Variants in KCNC2 observed in about 807,000 individuals in gnomAD.
The protein encoded by KCNC2 is voltage-gated potassium channel KCNC2.
In KCNC2, 21 loss-of-function variants were observed where a neutral mutation model predicts 44.5. The ratio of observed to expected loss-of-function variants is 0.47; its 90% CI spans 0.33 to 0.68. The LOEUF is 0.68. KCNC2 is among the 30% of genes least tolerant of loss of function. The probability of loss-of-function intolerance (pLI) is 0.01; values close to 1 mark genes in which losing one functional copy is unlikely to be tolerated. For missense variants in KCNC2, 589 were observed against 826.2 expected, an observed-to-expected ratio of 0.71 and a Z score of 3.52; for synonymous variants, 391 against 339.1, an observed-to-expected ratio of 1.15 and a Z score of -1.68.
At chr12:75,114,055 T>A (rs1887462738) in intron 2 of KCNC2, among the ~76,000 whole-genome samples, 2 of 152,166 alleles carry the variant, frequency 1.3e-5, no homozygotes, top group African/African-American at 4.8e-5. Context: ...TTCAGATAAA[T>A]CAAAAGAAGA....
At chr12:75,173,311 A>G (rs1891957734) in intron 2 of KCNC2, among the ~76,000 whole-genome samples, 1 of 151,930 alleles carries the variant, frequency 6.6e-6, no homozygotes, top group Admixed American at 6.6e-5. Flanking sequence ...ATAGAGATAT[A>G]GAAGAATCAC....
At chr12:75,198,564 T>G (rs150834786) in intron 2 of KCNC2, among the ~76,000 whole-genome samples, 5 of 151,984 alleles carry the variant, frequency 3.3e-5, no homozygotes, top group African/African-American at 1.2e-4. Context: ...TAATAACTAT[T>G]GTTATATTTT....
At chr12:75,162,778 C>A (rs747768558) in intron 2 of KCNC2, among the ~76,000 whole-genome samples, 1 of 151,760 alleles carries the variant, frequency 6.6e-6, no homozygotes, top group Non-Finnish European at 1.5e-5. Flanking sequence ...AGAGAGGTAA[C>A]TTAACCCCTC....
At chr12:75,189,508 C>A (rs150739237) in intron 2 of KCNC2, among the ~76,000 whole-genome samples, 4 of 152,304 alleles carry the variant, frequency 2.6e-5, no homozygotes, top group African/African-American at 7.2e-5. Context: ...AAAAAGCAGT[C>A]AATCCACCAG....
chr12:75,121,992 C>G (rs1441985904), intron 2 of KCNC2, among the ~76,000 whole-genome samples: 2 of 152,152 alleles, frequency 1.3e-5, no homozygotes, highest in Non-Finnish European at 2.9e-5. Flanking sequence ...GGAATCCTCA[C>G]TTGGAGGCCA....
At chr12:75,160,421 T>G (rs1891045940) in intron 2 of KCNC2, among the ~76,000 whole-genome samples, 1 of 151,764 alleles carries the variant, frequency 6.6e-6, no homozygotes, top group Admixed American at 6.6e-5. Context: ...AAAAAAGTAT[T>G]AGGATTTACT....
chr12:75,188,731 G>A lies in KCNC2; in HGVS notation c.687+18566C>T, dbSNP rs1048473056. ...AAAAATTAGCTGGGCATGGTGGTGC[G>A]TGCCTGTAATCCCAGCTACTCGGGA... is the stretch of plus-strand genomic sequence containing the variant. On this transcript the variant is annotated intron_variant, in intron 2 of 4. Coordinates refer to ENST00000549446, the MANE Select transcript of KCNC2 (RefSeq NM_139137.4). Among the ~76,000 whole-genome samples the A allele has an allele frequency of 1.7e-4, 26 of 151,514 alleles. No individual in the cohort carries two copies. In the East Asian group the frequency reaches 1.8e-3, roughly 10 times the overall value.
chr12:75,198,214 T>C (rs181188694), intron 2 of KCNC2, among the ~76,000 whole-genome samples: 19 of 152,050 alleles, frequency 1.2e-4, no homozygotes, highest in Non-Finnish European at 2.1e-4. Context: ...GTCAACATTA[T>C]GTGCCTGGGA....
Position 75,042,510 on chromosome 12 carries a change from G to T in KCNC2, c.*595C>A. On this transcript the variant is annotated 3_prime_UTR_variant, in exon 5 of 5. Transcript: ENST00000549446. ...AGAAAAAAATGTCAAGGAGAAAAGT[G>T]CCCTCCCTGCCCCACAATTCAACAT... 7.0e-7 allele frequency: 1 copy of T among 1,425,630 alleles called. No homozygotes were observed. Among genetic ancestry groups the T allele is most frequent in the Non-Finnish European group, 9.2e-7 (1 of 1,092,730 alleles). 88.3% of individuals were successfully genotyped at this position (1,425,630 alleles called of 1,614,324 possible). A position where few individuals can be genotyped will look rare whatever the true frequency, so the allele number is the denominator to read the frequency against.
intron 2 of KCNC2, among the ~76,000 whole-genome samples, chr12:75,057,164 A>G (rs1881835417): frequency 1.3e-5 from 2 of 152,048 alleles, no homozygotes; most frequent in African/African-American, 2.4e-5. Flanking sequence ...AGTTGATTTT[A>G]TTAACCCATA....
rs201548183 is a variant in KCNC2, at chr12:75,040,289, T to C, written c.*2816A>G. On this transcript the variant is annotated 3_prime_UTR_variant, in exon 5 of 5. Transcript: ENST00000549446. Reference sequence around the variant, plus strand: ...GGGGAACTAATAGACTCTGAAAATATTGATTAAGCAAGATGTAAAAATCTT... The same window carrying C: ...GGGGAACTAATAGACTCTGAAAATACTGATTAAGCAAGATGTAAAAATCTT... 6 of 152,022 alleles carry C rather than the reference T, an allele frequency of 3.9e-5. No homozygotes were observed. Among genetic ancestry groups the C allele is most frequent in the African/African-American group, 7.2e-5 (3 of 41,412 alleles). The allele number at this position is 152,022 out of a possible 1,614,324, so 9.4% of individuals were successfully genotyped here.
At chr12:75,062,442 T>C (rs1882440530) in intron 2 of KCNC2, among the ~76,000 whole-genome samples, 1 of 152,140 alleles carries the variant, frequency 6.6e-6, no homozygotes, top group South Asian at 2.1e-4. Context: ...TATAGTGTTT[T>C]TTTCAGGATC....
chr12:75,126,695 G>A (rs1240544085), intron 2 of KCNC2, among the ~76,000 whole-genome samples: 1 of 152,040 alleles, frequency 6.6e-6, no homozygotes, highest in African/African-American at 2.4e-5. Context: ...AGGGTCTCAT[G>A]GGTTAAGCTT....
intron 2 of KCNC2, among the ~76,000 whole-genome samples, chr12:75,069,420 T>A (rs1234200316): frequency 6.6e-6 from 1 of 151,934 alleles, no homozygotes; most frequent in Non-Finnish European, 1.5e-5. Flanking sequence ...ACAGGTGTGA[T>A]CCACCGTGCT....
At position 75,171,862 on chromosome 12, in the gene KCNC2, C is replaced by T. The variant is rs111437555; in HGVS notation, c.687+35435G>A. On this transcript the variant is annotated intron_variant, in intron 2 of 4. Transcript: ENST00000549446. ...ACACTTTGTGTGCAAGTATCAGTAT[C>T]CCATAAATGGTCACAGCTGCTATGT... Among the ~76,000 whole-genome samples the T allele has an allele frequency of 1.1e-3, 170 of 151,820 alleles. 2 individuals carry two copies. Among genetic ancestry groups the T allele is most frequent in the African/African-American group, 4.0e-3 (166 of 41,480 alleles).
chr12:75,071,410 A>C (rs569267161), intron 2 of KCNC2, among the ~76,000 whole-genome samples: 12 of 152,318 alleles, frequency 7.9e-5, no homozygotes, highest in Admixed American at 3.9e-4. Flanking sequence ...TCTTTAATGT[A>C]GGCAATTCAG....
Position 75,126,568 on chromosome 12 carries a change from G to A in KCNC2, c.688-75251C>T, listed in dbSNP as rs79657868. On this transcript the variant is annotated intron_variant, in intron 2 of 4. Transcript: ENST00000549446. ...TGGAAACAAAGGGCAGTTAATAAGA[G>A]GGGGAGAATGTTCCAGGCACTTAGG... is the stretch of plus-strand genomic sequence containing the variant. 9.7e-3 allele frequency among the ~76,000 whole-genome samples: 1,478 copies of A among 152,182 alleles called. 18 individuals carry two copies. Among genetic ancestry groups the A allele is most frequent in the African/African-American group, 0.034 (1,402 of 41,534 alleles).
Position 75,048,194 on chromosome 12 carries a change from G to C in KCNC2, c.1739C>G (p.Thr580Arg). 1 of 1,613,036 alleles carries C rather than the reference G, an allele frequency of 6.2e-7. No homozygotes were observed. The highest frequency in any genetic ancestry group is 1.1e-5 in the South Asian group (1 of 91,028). The change falls in exon 4 of 5, where the codon ACA (threonine) becomes AGA (arginine). Residue 580 changes from threonine (T) to arginine (R), a missense_variant. By Grantham distance (71) the Thr-to-Arg change is moderately conservative (BLOSUM62 -1). Around this residue, in one of 7 missense-constraint regions of KCNC2, gnomAD observed 171 missense variants for 182.4 expected, o/e 0.94. Coordinates refer to ENST00000549446, the MANE Select transcript of KCNC2 (RefSeq NM_139137.4). ...ATCAGAAGCACACGTGTAATCACCT[G>C]TCGTCAGTAGGAAACATGTTTCCCC... ...RRGETCFLLT[T>R]GDYTCASDGG... is the part of the protein sequence containing the mutation.
At chr12:75,069,127 A>ATTTTTTTTTTT (rs1231157819) in intron 2 of KCNC2, among the ~76,000 whole-genome samples, 31 of 33,878 alleles carry the variant, frequency 9.2e-4, no homozygotes, top group Non-Finnish European at 1.5e-3. Context: ...ATTTTATATA[A>ATTTTTTTTTTT]TCTTTTTTTT....
Sources: allele counts gnomAD v4.1 joint callset (sites outside exome capture counted in the v4.1 genomes callset), GRCh38; gene constraint gnomAD v4.1.1; regional missense constraint gnomAD v4.1.1; transcripts MANE v1.5; gene names NCBI Gene and HGNC (gene_info 2026-07-23, HGNC 2026-07-21).